GLI3: variants seen among roughly 807,000 people sequenced by gnomAD.
The protein encoded by GLI3 is GLI family zinc finger 3.
A neutral mutation model predicts 100.8 loss-of-function variants in GLI3; 20 were observed. That is an observed-to-expected ratio of 0.20 (90% CI 0.14 to 0.29). The LOEUF is 0.29. Ranked by LOEUF, GLI3 falls within the 10% of genes least tolerant of loss-of-function variation. The pLI is 1.00. For missense variants in GLI3, 2,040 were observed against 2,128.5 expected (o/e 0.96, Z 0.82); for synonymous variants, 938 against 860.5 (o/e 1.09, Z -1.58).
chr7:42,248,620 T>G (rs545713252), intron 1 of GLI3, among the ~76,000 whole-genome samples: 2 of 152,246 alleles, frequency 1.3e-5, no homozygotes, highest in South Asian at 4.1e-4. Flanking sequence ...CCCCCACAAG[T>G]TAAACAGGTA....
At chr7:41,976,989 G>T (rs1787530592) in intron 12 of GLI3, among the ~76,000 whole-genome samples, 1 of 152,208 alleles carries the variant, frequency 6.6e-6, no homozygotes, top group Non-Finnish European at 1.5e-5. Context: ...TAACTGCCTA[G>T]AAAGTATTCT....
At chr7:42,142,710 T>C (rs1301268042) in intron 3 of GLI3, among the ~76,000 whole-genome samples, 2 of 151,462 alleles carry the variant, frequency 1.3e-5, no homozygotes, top group African/African-American at 4.9e-5. Context: ...TGTCTTGCAA[T>C]GCAGCTCTTT....
intron 13 of GLI3, 26 bp from the exon 14 acceptor site, chr7:41,967,949 G>C: frequency 1.3e-6 from 2 of 1,587,466 alleles, no homozygotes; most frequent in South Asian, 1.1e-5. Context: ...GGAAAGGAAA[G>C]AAATGTCACC....
At chr7:42,242,582 C>T (rs959285085), upstream of GLI3, among the ~76,000 whole-genome samples, 1 of 152,148 alleles carries the variant, frequency 6.6e-6, no homozygotes, top group African/African-American at 2.4e-5. Flanking sequence ...GTGCCCAACC[C>T]CACTGACTTC....
intron 10 of GLI3, among the ~76,000 whole-genome samples, chr7:41,979,164 A>C (rs1395784446): frequency 6.6e-6 from 1 of 152,080 alleles, no homozygotes; most frequent in Non-Finnish European, 1.5e-5. Flanking sequence ...ATGTTCTCCA[A>C]CTCTCACATG....
In GLI3 at chr7:42,248,220, T is replaced by C. The variant is rs1298844646; in HGVS notation, c.-43+15774A>G. Among the ~76,000 whole-genome samples, 9 of 152,178 alleles carry C rather than the reference T, an allele frequency of 5.9e-5. 1 individual carries two copies. Among genetic ancestry groups the C allele is most frequent in the Non-Finnish European group, 1.0e-4 (7 of 68,030 alleles). The stretch of plus-strand genomic sequence containing the variant: ...TTTATACAGTTTTTCCCTCAATGCA[T>C]CCCTAGAAACCTTCTTGAGAAGCAA... On this transcript the variant is annotated intron_variant, in intron 1 of 2. Coordinates refer to the GLI3 transcript ENST00000678978.
Position 42,045,443 on chromosome 7 carries a change from G to T in GLI3, c.767C>A (p.Pro256His). The T allele has an allele frequency of 6.2e-7, 1 of 1,613,884 alleles. No individual in the cohort carries two copies. The highest frequency in any genetic ancestry group is 8.5e-7 in the Non-Finnish European group (1 of 1,179,764). The change falls in exon 6 of 15, where the codon CCC becomes CAC. Residue 256 changes from proline to histidine, a missense_variant. Around this residue, in one of 5 missense-constraint regions of GLI3, gnomAD observed 603 missense variants for 690.9 expected, o/e 0.87. Coordinates refer to ENST00000395925, the MANE Select transcript of GLI3 (RefSeq NM_000168.6). ...CCCCGTGCCGGCGGTGGCAGCTGAG[G>T]GAATAATGTCTGCATAGGGGCTGCG... ...GQRSPYADII[P>H]SAATAGTGAI...
chr7:42,011,515 C>T (rs1023449138), intron 10 of GLI3, among the ~76,000 whole-genome samples: 1 of 152,130 alleles, frequency 6.6e-6, no homozygotes, highest in East Asian at 1.9e-4. Flanking sequence ...TATCCATCAA[C>T]GGATGCACGG....
chr7:42,039,137 A>G (rs1784078715), intron 7 of GLI3, among the ~76,000 whole-genome samples: 2 of 152,230 alleles, frequency 1.3e-5, no homozygotes, highest in African/African-American at 2.4e-5. Flanking sequence ...AGGATTGCTA[A>G]ATTAATTAAT....
At chr7:42,171,074 A>G (rs187367633) in intron 2 of GLI3, among the ~76,000 whole-genome samples, 7 of 152,312 alleles carry the variant, frequency 4.6e-5, no homozygotes, top group Non-Finnish European at 7.3e-5. Context: ...TTCTGACTCT[A>G]TACAGCTCTA....
intron 12 of GLI3, among the ~76,000 whole-genome samples, chr7:41,976,263 T>C (rs1209482448): frequency 4.6e-5 from 7 of 152,228 alleles, no homozygotes; most frequent in Admixed American, 4.6e-4. Flanking sequence ...AGATGTGGCA[T>C]CTTTAAAATG....
At chr7:42,009,480 C>CTTTTTTTT (rs3030324) in intron 10 of GLI3, among the ~76,000 whole-genome samples, 3 of 118,378 alleles carry the variant, frequency 2.5e-5, no homozygotes, top group Non-Finnish European at 3.5e-5. Context: ...GCAAATTGTT[C>CTTTTTTTT]TTTTTTTTTT....
intron 2 of GLI3, among the ~76,000 whole-genome samples, chr7:42,202,901 A>G (rs1202500350): frequency 6.6e-6 from 1 of 152,218 alleles, no homozygotes; most frequent in Non-Finnish European, 1.5e-5. Flanking sequence ...CCTCACAAAG[A>G]CAGTTCAAAA....
At chr7:42,189,759 C>G (rs1245521004) in intron 2 of GLI3, among the ~76,000 whole-genome samples, 1 of 152,084 alleles carries the variant, frequency 6.6e-6, no homozygotes, top group African/African-American at 2.4e-5. Flanking sequence ...AGTAAATTAG[C>G]AAGGATAGCA....
intron 3 of GLI3, among the ~76,000 whole-genome samples, chr7:42,083,034 C>T (rs846297): frequency 0.63 from 95,335 of 151,664 alleles, 30,549 homozygotes; most frequent in African/African-American, 0.74. Flanking sequence ...ATTTATTATG[C>T]GTGCTATAAA....
chr7:42,178,969 T>C (rs932392733), intron 2 of GLI3, among the ~76,000 whole-genome samples: 1 of 152,074 alleles, frequency 6.6e-6, no homozygotes, highest in Non-Finnish European at 1.5e-5. Context: ...GGCAAAAATG[T>C]TCCTGGTGTG....
chr7:42,166,908 CT>C (rs1477886326), intron 2 of GLI3, among the ~76,000 whole-genome samples: 3 of 151,862 alleles, frequency 2.0e-5, no homozygotes, highest in South Asian at 2.1e-4. Flanking sequence ...TCACTGCACC[CT>C]CTGCCTCCGG....
rs1785786287 is a variant in GLI3 at position 42,114,098 on chromosome 7, A to C, written c.367+34128T>G. 1.3e-5 allele frequency among the ~76,000 whole-genome samples: 2 copies of C among 152,234 alleles called. 1 individual carries two copies. Among genetic ancestry groups the C allele is most frequent in the Non-Finnish European group, 2.9e-5 (2 of 68,034 alleles). ...TTTCCAGTGATGGCAATGAGATGGC[A>C]CCCCTCAAAAGAGCAGTGGTTCCGT... On this transcript the variant is annotated intron_variant, in intron 3 of 14. Coordinates refer to ENST00000395925, the MANE Select transcript of GLI3 (RefSeq NM_000168.6).
At chr7:42,048,277 A>C (rs1215032325) in intron 5 of GLI3, among the ~76,000 whole-genome samples, 1 of 152,174 alleles carries the variant, frequency 6.6e-6, no homozygotes, top group Admixed American at 6.5e-5. Context: ...ACCCCACTGC[A>C]CGCTGCTATT....
Sources: gnomAD v4.1 joint callset for allele counts (sites outside exome capture counted in the v4.1 genomes callset) on GRCh38, gnomAD v4.1.1 for gene constraint, gnomAD v4.1.1 regional missense constraint, MANE v1.5 for transcripts, NCBI Gene and HGNC (gene_info 2026-07-23, HGNC 2026-07-21) for gene names.